The following LIMD1 variants were observed in gnomAD, a reference collection of about 807,000 sequenced individuals.
The protein encoded by LIMD1 is LIM domain-containing protein 1.
A neutral mutation model predicts 58.4 loss-of-function variants in LIMD1; 23 were observed. The ratio of observed to expected loss-of-function variants is 0.39; its 90% CI spans 0.28 to 0.56. The LOEUF (loss-of-function observed/expected upper bound fraction) is 0.56, where lower values mean the gene tolerates loss of function less well. Ranked by LOEUF, LIMD1 falls within the 20% of genes least tolerant of loss-of-function variation. The probability of loss-of-function intolerance (pLI) is 0.57; values close to 1 mark genes in which losing one functional copy is unlikely to be tolerated. For synonymous variants in LIMD1, 334 were observed against 345.5 expected (o/e 0.97, Z 0.37); for missense variants, 838 against 855.5 (o/e 0.98, Z 0.25).
chr3:45,602,814 A>C (rs888418581), intron 1 of LIMD1, among the ~76,000 whole-genome samples: 5 of 150,138 alleles, frequency 3.3e-5, no homozygotes, highest in Admixed American at 6.6e-5. Context: ...TTGCACACTG[A>C]GCTGCTCCTC....
chr3:45,617,565 C>T (rs928727887), intron 1 of LIMD1, among the ~76,000 whole-genome samples: 10 of 152,228 alleles, frequency 6.6e-5, no homozygotes, highest in Non-Finnish European at 1.5e-4. Context: ...TTCTCCTCCT[C>T]CCAGCAGCCC....
intron 1 of LIMD1, among the ~76,000 whole-genome samples, chr3:45,609,934 C>A (rs1288857782): frequency 2.0e-5 from 3 of 152,174 alleles, no homozygotes; most frequent in Non-Finnish European, 4.4e-5. Flanking sequence ...TGGCCCATGC[C>A]TGTAATCCCA....
chr3:45,594,850 C>G lies in LIMD1; in HGVS notation c.-30C>G. ...ACACACACACACACACACACGGCAC[C>G]TGGGCTAGGCCCGGACACCTGTCTG... On this transcript the variant is annotated 5_prime_UTR_variant, in exon 1 of 8. Transcript: ENST00000273317. 1 of 1,517,344 alleles carries G rather than the reference C, an allele frequency of 6.6e-7. No individual in the cohort carries two copies. Among genetic ancestry groups the G allele is most frequent in the South Asian group, 1.2e-5 (1 of 82,352 alleles). 94.0% of individuals were successfully genotyped at this position (1,517,344 alleles called of 1,614,324 possible).
rs909569134 is a variant in LIMD1, at chr3:45,595,740, G to A, written c.861G>A (p.Val287=). 1 of 1,614,100 alleles carries A rather than the reference G, an allele frequency of 6.2e-7. No homozygotes were observed. Among genetic ancestry groups the A allele is most frequent in the Non-Finnish European group, 8.5e-7 (1 of 1,180,030 alleles). Residue 287 remains valine, a synonymous_variant, in exon 1 of 8, where the codon GTG becomes GTA. Coordinates refer to ENST00000273317, the MANE Select transcript of LIMD1 (RefSeq NM_014240.3). ...ACTTGGAGAACGGAGCACCAGCTGT[G>A]GGGCCTGTTCAGCCCAGGACCCCTT... ...SPNLENGAPA[V]GPVQPRTPSV...
At chr3:45,615,161 A>G (rs1701564768) in intron 1 of LIMD1, among the ~76,000 whole-genome samples, 1 of 152,176 alleles carries the variant, frequency 6.6e-6, no homozygotes, top group Non-Finnish European at 1.5e-5. Context: ...CAGTGGCAAA[A>G]CATACATGTG....
rs1308452841 is a variant in LIMD1, at chr3:45,685,593, G to A, written c.*8534G>A. The A allele has an allele frequency of 6.6e-6, 1 of 152,234 alleles. No individual in the cohort carries two copies. The highest frequency in any genetic ancestry group is 1.5e-5 in the Non-Finnish European group (1 of 68,084). The allele number at this position is 152,234 out of a possible 1,614,324, so 9.4% of individuals were successfully genotyped here. A position where few individuals can be genotyped will look rare whatever the true frequency, so the allele number is the denominator to read the frequency against. ...AATTAGTAGGGGTGAGGGGTAAGTG[G>A]CAGATGTGACTGCCGTCCATGCCCA... On this transcript the variant is annotated 3_prime_UTR_variant, in exon 8 of 8. Transcript: ENST00000273317.
intron 1 of LIMD1, among the ~76,000 whole-genome samples, chr3:45,624,908 G>A (rs1195265903): frequency 6.9e-6 from 1 of 144,912 alleles, no homozygotes; most frequent in Non-Finnish European, 1.5e-5. Context: ...TGTAAATGCT[G>A]CCTTTGCTGG....
At chr3:45,616,088 C>T (rs1012330528) in intron 1 of LIMD1, among the ~76,000 whole-genome samples, 5 of 152,130 alleles carry the variant, frequency 3.3e-5, no homozygotes, top group African/African-American at 1.2e-4. Flanking sequence ...TGCTGCTTCC[C>T]TCTGGTTTAA....
chr3:45,683,559 G>A lies in LIMD1; in HGVS notation c.*6500G>A, dbSNP rs1425129305. 1 of 152,018 alleles carries A rather than the reference G, an allele frequency of 6.6e-6. No homozygotes were observed. Among genetic ancestry groups the A allele is most frequent in the Non-Finnish European group, 1.5e-5 (1 of 68,002 alleles). The allele number at this position is 152,018 out of a possible 1,614,324, so 9.4% of individuals were successfully genotyped here. ...ATTGGGCGTTTTACACAACCAGTCA[G>A]ATGTTTGTATAGGGTGGTGTAACTT... On this transcript the variant is annotated 3_prime_UTR_variant, in exon 8 of 8. Transcript: ENST00000273317.
chr3:45,605,696 T>G (rs1701462069), intron 1 of LIMD1, among the ~76,000 whole-genome samples: 1 of 152,254 alleles, frequency 6.6e-6, no homozygotes. Flanking sequence ...GCCACTGGTA[T>G]GATGATGATC....
chr3:45,638,269 C>A (rs1235588975), intron 2 of LIMD1, among the ~76,000 whole-genome samples: 2 of 151,550 alleles, frequency 1.3e-5, no homozygotes, highest in East Asian at 1.9e-4. Context: ...TGTGTTTAGG[C>A]CCCCCTTTAT....
chr3:45,651,871 A>T (rs1701977428), intron 2 of LIMD1, among the ~76,000 whole-genome samples: 1 of 151,818 alleles, frequency 6.6e-6, no homozygotes, highest in African/African-American at 2.4e-5. Context: ...ACCTCAGGTG[A>T]TCCACCTGCC....
chr3:45,595,784 C>A lies in LIMD1; in HGVS notation c.905C>A (p.Ala302Asp). Residue 302 changes from alanine to aspartate, a missense_variant, in exon 1 of 8, where the codon GCC (alanine) becomes GAC (aspartate). Physicochemically the swap from Ala to Asp is moderately radical, Grantham distance 126. Around this residue, in one of 3 missense-constraint regions of LIMD1, gnomAD observed 659 missense variants for 639.8 expected, o/e 1.03. Coordinates refer to ENST00000273317, the MANE Select transcript of LIMD1 (RefSeq NM_014240.3). Reference sequence around the variant, plus strand: ...ACCCCTTCTGTGTCAGCACCCTTGGCCCTGAGCTGCCCCAGGCAAGGAGGT... The same window carrying A: ...ACCCCTTCTGTGTCAGCACCCTTGGACCTGAGCTGCCCCAGGCAAGGAGGT... Reference protein sequence around the residue: ...PRTPSVSAPLALSCPRQGGLP... With the variant: ...PRTPSVSAPLDLSCPRQGGLP... The A allele has an allele frequency of 6.2e-7, 1 of 1,614,118 alleles. No homozygotes were observed. The highest frequency in any genetic ancestry group is 8.5e-7 in the Non-Finnish European group (1 of 1,180,024).
At chr3:45,652,458 GC>G (rs1380514466) in intron 2 of LIMD1, among the ~76,000 whole-genome samples, 2 of 152,140 alleles carry the variant, frequency 1.3e-5, no homozygotes, top group African/African-American at 4.8e-5. Context: ...CTCTTTGCAT[GC>G]CTGGGAATAT....
chr3:45,624,724 A>C (rs2125655055), intron 1 of LIMD1, among the ~76,000 whole-genome samples: 1 of 151,836 alleles, frequency 6.6e-6, no homozygotes, highest in South Asian at 2.1e-4. Context: ...CTCCGCCTCA[A>C]AAACAAAACA....
At chr3:45,615,935 T>C (rs1374754770) in intron 1 of LIMD1, among the ~76,000 whole-genome samples, 1 of 152,104 alleles carries the variant, frequency 6.6e-6, no homozygotes, top group Non-Finnish European at 1.5e-5. Context: ...TTTTCAAGTG[T>C]CTTTAGTTTG....
In LIMD1 at chr3:45,636,180, T is replaced by C; in HGVS notation, c.1439T>C (p.Phe480Ser). The C allele has an allele frequency of 6.2e-7, 1 of 1,612,790 alleles. No homozygotes were observed. Among genetic ancestry groups the C allele is most frequent in the Non-Finnish European group, 8.5e-7 (1 of 1,179,286 alleles). The stretch of plus-strand genomic sequence containing the variant: ...TGTGTGAAATGCAGCAAAGGGGTGT[T>C]TGGGGCTGGCCAGGCCTGTCAGGCC... ...GACVKCSKGV[F>S]GAGQACQAMG... Residue 480 changes from phenylalanine (F) to serine (S), a missense_variant, in exon 2 of 8, where the codon TTT (phenylalanine) becomes TCT (serine). Around this residue, in one of 3 missense-constraint regions of LIMD1, gnomAD observed 659 missense variants for 639.8 expected, o/e 1.03. Transcript: ENST00000273317.
At chr3:45,635,885 T>C in intron 1 of LIMD1, 1 of 984,876 alleles carries the variant, frequency 1.0e-6, no homozygotes. Context: ...GGGAGGGAGT[T>C]GACCAAGCCC....
At chr3:45,616,565 C>T (rs1701578011) in intron 1 of LIMD1, among the ~76,000 whole-genome samples, 1 of 111,576 alleles carries the variant, frequency 9.0e-6, no homozygotes, top group Non-Finnish European at 1.8e-5. Flanking sequence ...ACCCTGAGTC[C>T]CTGCTGTGTG....
Sources: gnomAD v4.1 joint callset for allele counts (sites outside exome capture counted in the v4.1 genomes callset) on GRCh38, gnomAD v4.1.1 for gene constraint, gnomAD v4.1.1 regional missense constraint, MANE v1.5 for transcripts, NCBI Gene and HGNC (gene_info 2026-07-23, HGNC 2026-07-21) for gene names.